The following COL10A1 variants were observed in gnomAD, a reference collection of about 807,000 sequenced individuals.
COL10A1 encodes collagen alpha-1(X) chain.
COL10A1 carries 10 observed loss-of-function variants against 18.2 expected under a neutral mutation model. That is an observed-to-expected ratio of 0.55 (90% CI 0.34 to 0.93). The LOEUF is 0.93. COL10A1 is among the 40% of genes least tolerant of loss of function. The pLI, the probability that COL10A1 is intolerant of heterozygous loss-of-function variation, is 0.02. For missense variants in COL10A1, 897 were observed against 853.5 expected, an observed-to-expected ratio of 1.05 and a Z score of -0.64; for synonymous variants, 330 against 316.6, an observed-to-expected ratio of 1.04 and a Z score of -0.45.
chr6:116,134,217 G>T (rs1021349661), intron 1 of COL10A1, among the ~76,000 whole-genome samples: 1 of 152,144 alleles, frequency 6.6e-6, no homozygotes, highest in African/African-American at 2.4e-5. Flanking sequence ...TCAAATAATT[G>T]TCAGACTTTT....
At chr6:116,168,083 C>CTTTTTTT in the COL10A1 span, among the ~76,000 whole-genome samples, 1 of 119,030 alleles carries the variant, frequency 8.4e-6, no homozygotes, top group South Asian at 2.8e-4. Flanking sequence ...TACCTGGTGT[C>CTTTTTTT]TTTTTTTTTT....
In COL10A1 at chr6:116,121,567, A is replaced by T; in HGVS notation, c.549T>A (p.Gly183=). Residue 183 remains glycine (G), a synonymous_variant, in exon 3 of 3, where the codon GGT becomes GGA. Coordinates refer to ENST00000651968, the MANE Select transcript of COL10A1 (RefSeq NM_000493.4). ...CCATTTCCCCTTTCTGTCCATTCAT[A>T]CCAGGGACTCCTGGTGCACCCTTTT... ...PGEKGAPGVP[G]MNGQKGEMGY... 1.2e-6 allele frequency: 2 copies of T among 1,613,662 alleles called. No individual in the cohort carries two copies. Among genetic ancestry groups the T allele is most frequent in the Non-Finnish European group, 1.7e-6 (2 of 1,179,904 alleles).
chr6:116,202,724 C>T, the COL10A1 span, among the ~76,000 whole-genome samples: 1 of 151,924 alleles, frequency 6.6e-6, no homozygotes, highest in African/African-American at 2.4e-5. Flanking sequence ...TGTACAGTTT[C>T]ATAAATGCAT....
chr6:116,202,834 G>A, the COL10A1 span, among the ~76,000 whole-genome samples: 1 of 152,022 alleles, frequency 6.6e-6, no homozygotes, highest in African/African-American at 2.4e-5. Context: ...ATCAGAAAAA[G>A]TGACAGTTCT....
At chr6:116,195,328 C>G in the COL10A1 span, among the ~76,000 whole-genome samples, 4 of 151,938 alleles carry the variant, frequency 2.6e-5, no homozygotes, top group African/African-American at 9.7e-5. Flanking sequence ...TTAATTGACT[C>G]AAACATTGGA....
At position 116,144,244 on chromosome 6, in the gene COL10A1, C is replaced by T. The variant is rs550373991; in HGVS notation, c.-16+14370G>A. ...GGAGGCCAGGCACAGTGGCTCACGC[C>T]TGTATCCCAGCACTTTGGGAGGCCG... On this transcript the variant is annotated intron_variant, in intron 1 of 1. Transcript: ENST00000418500. Among the ~76,000 whole-genome samples, 220 of 152,296 alleles carry T rather than the reference C, an allele frequency of 1.4e-3. 2 individuals are homozygous for T. The highest frequency in any genetic ancestry group is 6.8e-3 in the Middle Eastern group (2 of 294).
the COL10A1 span, among the ~76,000 whole-genome samples, chr6:116,183,979 G>A: frequency 6.6e-6 from 1 of 152,026 alleles, no homozygotes; most frequent in Non-Finnish European, 1.5e-5. Flanking sequence ...TCTTTTTCCA[G>A]TTCTCAGGAG....
chr6:116,213,677 A>G, the COL10A1 span, among the ~76,000 whole-genome samples: 6 of 119,450 alleles, frequency 5.0e-5, no homozygotes, highest in African/African-American at 1.9e-4. Context: ...TGTAGATCAC[A>G]TGTAGGAGAA....
At chr6:116,182,222 A>AGAGAGAGAGTGTGTGTGTGTGT in the COL10A1 span, among the ~76,000 whole-genome samples, 84 of 124,682 alleles carry the variant, frequency 6.7e-4, 1 homozygote, top group South Asian at 8.0e-3. Flanking sequence ...TTCCATGGAG[A>AGAGAGAGAGTGTGTGTGTGTGT]GTGTGTGTGT....
chr6:116,191,212 C>T, the COL10A1 span, among the ~76,000 whole-genome samples: 1 of 152,156 alleles, frequency 6.6e-6, no homozygotes, highest in African/African-American at 2.4e-5. Context: ...ATAAACAACT[C>T]CTACCCTTCC....
chr6:116,150,569 G>A lies in COL10A1; in HGVS notation c.-16+8045C>T, dbSNP rs74928395. Among the ~76,000 whole-genome samples, 345 of 152,334 alleles carry A rather than the reference G, an allele frequency of 2.3e-3. 2 individuals are homozygous for A. The highest frequency in any genetic ancestry group is 8.2e-3 in the African/African-American group (339 of 41,556). ...CAAAACGCTGGGATTACAGGCGTGA[G>A]TCACTGCACCTGGCCTTGAAAATGG... On this transcript the variant is annotated intron_variant, in intron 1 of 1. Transcript: ENST00000418500.
At chr6:116,181,201 A>G in the COL10A1 span, among the ~76,000 whole-genome samples, 2 of 152,066 alleles carry the variant, frequency 1.3e-5, no homozygotes, top group Non-Finnish European at 2.9e-5. Context: ...GAAAATTTCC[A>G]TAAGAATGAA....
the COL10A1 span, among the ~76,000 whole-genome samples, chr6:116,198,744 T>A: frequency 1.3e-5 from 2 of 151,574 alleles, no homozygotes; most frequent in African/African-American, 4.8e-5. Context: ...AATATTTTTT[T>A]AAAAAAAGGA....
Position 116,158,094 on chromosome 6 carries a change from C to T in COL10A1, c.-16+520G>A, listed in dbSNP as rs1232995304. Among the ~76,000 whole-genome samples the T allele has an allele frequency of 2.0e-5, 3 of 152,266 alleles. No homozygotes were observed. In the East Asian group the frequency reaches 5.8e-4, roughly 29 times the overall value. On this transcript the variant is annotated intron_variant, in intron 1 of 1. Transcript: ENST00000418500. ...TCAAAAAGTCAATTTCTCTGAACTACAAGAACTTTCTAGTTTCAATAGCTA... is the reference window on the plus strand; with the variant it reads ...TCAAAAAGTCAATTTCTCTGAACTATAAGAACTTTCTAGTTTCAATAGCTA...
the COL10A1 span, among the ~76,000 whole-genome samples, chr6:116,195,680 A>G: frequency 6.6e-6 from 1 of 152,064 alleles, no homozygotes; most frequent in Non-Finnish European, 1.5e-5. Flanking sequence ...GAAAAGGCAC[A>G]TCTTTAGAAT....
At chr6:116,207,141 A>G in the COL10A1 span, among the ~76,000 whole-genome samples, 1 of 151,964 alleles carries the variant, frequency 6.6e-6, no homozygotes. Flanking sequence ...CTGGGAGCTG[A>G]TATCTCTGCA....
chr6:116,128,888 G>T (rs761624934), upstream of COL10A1, among the ~76,000 whole-genome samples: 2 of 152,054 alleles, frequency 1.3e-5, no homozygotes, highest in Non-Finnish European at 2.9e-5. Flanking sequence ...AGTTACATTG[G>T]TTTTTGTTAT....
At chr6:116,151,618 G>A (rs908069787) in intron 1 of COL10A1, among the ~76,000 whole-genome samples, 2 of 152,124 alleles carry the variant, frequency 1.3e-5, no homozygotes, top group Non-Finnish European at 2.9e-5. Flanking sequence ...TGCAGTACAT[G>A]CAAATAATGG....
chr6:116,158,555 T>A (rs942263371), intron 1 of COL10A1: 4 of 152,234 alleles, frequency 2.6e-5, no homozygotes, highest in African/African-American at 9.6e-5. Context: ...GCCCTGTTTT[T>A]CATCTAGTCA....
Sources: gnomAD v4.1 joint callset for allele counts (sites outside exome capture counted in the v4.1 genomes callset) on GRCh38, gnomAD v4.1.1 for gene constraint, MANE v1.5 for transcripts, NCBI Gene and HGNC (gene_info 2026-07-23, HGNC 2026-07-21) for gene names.